Variants in COP1 observed in about 807,000 individuals in gnomAD.
COP1 encodes E3 ubiquitin-protein ligase COP1.
A neutral mutation model predicts 101.3 loss-of-function variants in COP1; 24 were observed. The observed-to-expected ratio is 0.24, with a 90% CI of 0.17 to 0.33. The LOEUF (loss-of-function observed/expected upper bound fraction) is 0.33, where lower values mean the gene tolerates loss of function less well. Ranked by LOEUF, COP1 falls within the 10% of genes least tolerant of loss-of-function variation. The pLI, the probability that COP1 is intolerant of heterozygous loss-of-function variation, is 1.00. For missense variants in COP1, 663 were observed against 906.2 expected (o/e 0.73, Z 3.45); for synonymous variants, 347 against 341.9 (o/e 1.01, Z -0.17).
intron 9 of COP1, among the ~76,000 whole-genome samples, chr1:176,102,192 G>A (rs913570454): frequency 1.3e-5 from 2 of 152,054 alleles, no homozygotes; most frequent in African/African-American, 4.8e-5. Context: ...TGGTGACCTG[G>A]GATTCAATCT....
chr1:176,008,101 G>A (rs1411236042), intron 15 of COP1, among the ~76,000 whole-genome samples: 6 of 152,274 alleles, frequency 3.9e-5, no homozygotes, highest in South Asian at 2.1e-4. Context: ...GGAGTGACCC[G>A]ATTTTCCAGG....
At chr1:176,204,631 G>GA (rs1217444214) in intron 1 of COP1, among the ~76,000 whole-genome samples, 5 of 152,120 alleles carry the variant, frequency 3.3e-5, no homozygotes, top group African/African-American at 1.2e-4. Flanking sequence ...CTTAGAAAGT[G>GA]AAATACTCAG....
intron 6 of COP1, among the ~76,000 whole-genome samples, 192 bp downstream of exon 6, chr1:176,148,814 C>G (rs529838493): frequency 3.2e-4 from 48 of 152,062 alleles, no homozygotes; most frequent in African/African-American, 1.1e-3. Flanking sequence ...CACATCTCCA[C>G]AAAATGATTT....
intron 11 of COP1, among the ~76,000 whole-genome samples, chr1:176,078,195 T>C (rs1015231066): frequency 7.9e-5 from 12 of 152,182 alleles, no homozygotes; most frequent in South Asian, 2.1e-4. Flanking sequence ...AAAGCAGTCC[T>C]AAGCAAAATG....
rs533830628 is a variant in COP1, at chr1:176,174,483, T to C, written c.565+1427A>G. 1.8e-4 allele frequency among the ~76,000 whole-genome samples: 28 copies of C among 152,304 alleles called. No individual in the cohort carries two copies. The East Asian group carries it at 5.0e-3, about 27-fold the overall frequency. ...TAAAACTTTAGCCACTTAGAAGAAT[T>C]TGTCATTCTAGCAGAAAATCTTCAA... is the stretch of plus-strand genomic sequence containing the variant. On this transcript the variant is annotated intron_variant, in intron 3 of 19. Transcript: ENST00000367669.
intron 18 of COP1, among the ~76,000 whole-genome samples, chr1:175,966,229 T>C (rs1382545937): frequency 6.6e-6 from 1 of 152,010 alleles, no homozygotes; most frequent in Admixed American, 6.6e-5. Context: ...CTGCATTCTA[T>C]AAAAAATCCA....
At chr1:176,200,992 A>G (rs933127248) in intron 1 of COP1, among the ~76,000 whole-genome samples, 2 of 152,126 alleles carry the variant, frequency 1.3e-5, no homozygotes, top group Admixed American at 1.3e-4. Flanking sequence ...GCCCAACTTA[A>G]AAAACATTTT....
intron 15 of COP1, among the ~76,000 whole-genome samples, chr1:176,006,514 T>C (rs1256176122): frequency 6.6e-6 from 1 of 152,228 alleles, no homozygotes; most frequent in African/African-American, 2.4e-5. Flanking sequence ...GTTTAGTGCT[T>C]CCTTCAGGAG....
intron 18 of COP1, among the ~76,000 whole-genome samples, chr1:175,964,445 AT>A (rs1320344723): frequency 1.3e-5 from 2 of 152,170 alleles, no homozygotes; most frequent in Non-Finnish European, 2.9e-5. Flanking sequence ...CCAGAAGATG[AT>A]TTTTAATTTT....
At chr1:176,128,934 A>T (rs1279912259) in intron 8 of COP1, among the ~76,000 whole-genome samples, 1 of 151,918 alleles carries the variant, frequency 6.6e-6, no homozygotes, top group Non-Finnish European at 1.5e-5. Context: ...AATAGGCAAG[A>T]TGGCTCACTT....
chr1:175,973,702 C>A (rs116279290), intron 18 of COP1, among the ~76,000 whole-genome samples: 81 of 152,220 alleles, frequency 5.3e-4, no homozygotes, highest in African/African-American at 1.9e-3. Context: ...ATAATTTCTA[C>A]AATGGAAAAA....
At chr1:175,984,428 G>A (rs907110238) in intron 18 of COP1, among the ~76,000 whole-genome samples, 1 of 152,212 alleles carries the variant, frequency 6.6e-6, no homozygotes, top group African/African-American at 2.4e-5. Context: ...CTAGATTTCA[G>A]AGGATGTATG....
chr1:176,020,341 TCA>T (rs1666548648), intron 15 of COP1, among the ~76,000 whole-genome samples: 1 of 146,138 alleles, frequency 6.8e-6, no homozygotes. Context: ...ACCTTCATAC[TCA>T]CTAACAGGGC....
chr1:176,077,379 AAATAG>A, intron 11 of COP1, among the ~76,000 whole-genome samples: 1 of 152,312 alleles, frequency 6.6e-6, no homozygotes, highest in African/African-American at 2.4e-5. Flanking sequence ...TTTACCACAT[AAATAG>A]AATAAAAAAC....
chr1:176,025,789 C>T (rs1667562220), intron 15 of COP1, among the ~76,000 whole-genome samples: 1 of 151,912 alleles, frequency 6.6e-6, no homozygotes, highest in Non-Finnish European at 1.5e-5. Context: ...ACTTGGGAGG[C>T]TGAGGTTGGA....
chr1:176,118,489 A>G (rs191424235), intron 8 of COP1, among the ~76,000 whole-genome samples: 22 of 152,318 alleles, frequency 1.4e-4, no homozygotes, highest in South Asian at 6.2e-4. Context: ...GAGGCCAGGC[A>G]TGGTGGCTCA....
intron 6 of COP1, among the ~76,000 whole-genome samples, chr1:176,136,916 C>CTT (rs900977336): frequency 6.8e-6 from 1 of 147,362 alleles, no homozygotes; most frequent in African/African-American, 2.5e-5. Context: ...GTTAATCACA[C>CTT]TTTTTTTTTT....
chr1:176,057,957 G>A (rs921648038), intron 11 of COP1, among the ~76,000 whole-genome samples: 11 of 151,806 alleles, frequency 7.2e-5, no homozygotes, highest in Non-Finnish European at 1.3e-4. Context: ...GCCCCTTCTG[G>A]GATATGAGGA....
intron 5 of COP1, 74 bp from the exon 6 acceptor site, chr1:176,149,148 A>G: frequency 2.4e-6 from 2 of 843,152 alleles, no homozygotes; most frequent in Non-Finnish European, 1.8e-6. Flanking sequence ...ACCATAGCAT[A>G]AACAGTATGA....
Sources: gnomAD v4.1 joint callset for allele counts (sites outside exome capture counted in the v4.1 genomes callset) on GRCh38, gnomAD v4.1.1 for gene constraint, MANE v1.5 for transcripts, NCBI Gene and HGNC (gene_info 2026-07-23, HGNC 2026-07-21) for gene names.